HOMER2: variants seen among roughly 807,000 people sequenced by gnomAD.
The protein encoded by HOMER2 is homer scaffold protein 2, also known as homer protein homolog 2.
HOMER2 carries 27 observed loss-of-function variants against 47.0 expected under a neutral mutation model. The ratio of observed to expected loss-of-function variants is 0.57; its 90% CI spans 0.42 to 0.79. The LOEUF is 0.79. Ranked by LOEUF, HOMER2 falls within the 30% of genes least tolerant of loss-of-function variation. The pLI is 0.00. For missense variants in HOMER2, 443 were observed against 435.0 expected, an observed-to-expected ratio of 1.02 and a Z score of -0.16; for synonymous variants, 161 against 163.8, an observed-to-expected ratio of 0.98 and a Z score of 0.13.
chr15:82,894,444 T>G (rs974137991), intron 1 of HOMER2, among the ~76,000 whole-genome samples: 1 of 152,018 alleles, frequency 6.6e-6, no homozygotes, highest in African/African-American at 2.4e-5. Flanking sequence ...GTCCCATTGT[T>G]GCGGATCACG....
chr15:82,946,713 A>G (rs1166596834), intron 1 of HOMER2, among the ~76,000 whole-genome samples: 1 of 151,170 alleles, frequency 6.6e-6, no homozygotes, highest in East Asian at 1.9e-4. Flanking sequence ...ACAAAAACAA[A>G]GAAAGTCAAC....
intron 1 of HOMER2, among the ~76,000 whole-genome samples, chr15:82,934,163 G>A (rs2054085520): frequency 6.6e-6 from 1 of 152,098 alleles, no homozygotes; most frequent in African/African-American, 2.4e-5. Context: ...GAGGGGGAAG[G>A]GTATCCTGGT....
intron 3 of HOMER2, among the ~76,000 whole-genome samples, chr15:82,868,935 A>AT (rs1228848731): frequency 6.6e-6 from 1 of 152,138 alleles, no homozygotes; most frequent in Non-Finnish European, 1.5e-5. Context: ...AGACTGGTTA[A>AT]TGGGCTCACC....
chr15:82,898,682 G>A (rs544187257), intron 1 of HOMER2, among the ~76,000 whole-genome samples: 21 of 152,272 alleles, frequency 1.4e-4, no homozygotes, highest in South Asian at 2.1e-4. Flanking sequence ...AAAACCACTC[G>A]GCAAAGAGGC....
At chr15:82,857,651 G>T (rs866261792) in intron 5 of HOMER2, among the ~76,000 whole-genome samples, 1 of 151,846 alleles carries the variant, frequency 6.6e-6, no homozygotes, top group Non-Finnish European at 1.5e-5. Flanking sequence ...GGCTGGTCTC[G>T]AACTCCTGAC....
At chr15:82,847,898 C>T (rs1430236164), downstream of HOMER2, among the ~76,000 whole-genome samples, 1 of 152,144 alleles carries the variant, frequency 6.6e-6, no homozygotes, top group Non-Finnish European at 1.5e-5. Flanking sequence ...CAGGAGGGAG[C>T]TGCTACCAAC....
At chr15:82,983,959 C>CT (rs1336092709) in intron 1 of HOMER2, among the ~76,000 whole-genome samples, 2 of 151,984 alleles carry the variant, frequency 1.3e-5, no homozygotes, top group African/African-American at 4.8e-5. Flanking sequence ...GTACTATTTA[C>CT]TATTTAGCGC....
intron 1 of HOMER2, among the ~76,000 whole-genome samples, chr15:82,945,088 G>A (rs909958983): frequency 1.3e-5 from 2 of 152,082 alleles, no homozygotes; most frequent in Non-Finnish European, 2.9e-5. Context: ...CTAAGGAGCC[G>A]TGACTCACCC....
chr15:82,909,822 T>A (rs181764104), intron 1 of HOMER2, among the ~76,000 whole-genome samples: 183 of 152,190 alleles, frequency 1.2e-3, no homozygotes, highest in African/African-American at 4.2e-3. Flanking sequence ...TATCCTACAG[T>A]TACATATCAT....
chr15:82,981,671 A>T (rs958855831), intron 1 of HOMER2, among the ~76,000 whole-genome samples: 1 of 152,266 alleles, frequency 6.6e-6, no homozygotes, highest in African/African-American at 2.4e-5. Flanking sequence ...ATGCAATATT[A>T]TTCATTAAAA....
At chr15:82,965,181 G>A (rs1320110714) in intron 1 of HOMER2, among the ~76,000 whole-genome samples, 3 of 151,964 alleles carry the variant, frequency 2.0e-5, no homozygotes, top group East Asian at 1.9e-4. Context: ...CACTACACCC[G>A]CTAACTTTTG....
exon 2 of HOMER2, chr15:82,841,971 GGGGAAA>G (rs2051180397): frequency 6.6e-6 from 1 of 152,120 alleles, no homozygotes; most frequent in East Asian, 1.9e-4. Flanking sequence ...ACTTTTTCTG[GGGGAAA>G]GGGATTTTAA....
At chr15:82,921,902 G>C (rs1432775594) in intron 1 of HOMER2, among the ~76,000 whole-genome samples, 1 of 152,090 alleles carries the variant, frequency 6.6e-6, no homozygotes, top group Non-Finnish European at 1.5e-5. Context: ...TCATTTTGCT[G>C]TCCTGGGATT....
In HOMER2 at chr15:82,864,194, T is replaced by C; in HGVS notation, c.360A>G (p.Lys120=). ...AKIAKDKTQE[K]IETSSNHSQA... Reference sequence around the variant, plus strand: ...GGGAATGATTACTTGAGGTCTCGATTTTCTCCTGCGTCTTGTCTTTGGCTA... The same window carrying C: ...GGGAATGATTACTTGAGGTCTCGATCTTCTCCTGCGTCTTGTCTTTGGCTA... Residue 120 remains lysine, a synonymous_variant, in exon 4 of 9, where the codon AAA becomes AAG. Transcript: ENST00000450735. The C allele has an allele frequency of 6.2e-7, 1 of 1,611,162 alleles. No individual in the cohort carries two copies. The highest frequency in any genetic ancestry group is 8.5e-7 in the Non-Finnish European group (1 of 1,178,502).
chr15:82,912,169 C>T (rs760560181), intron 1 of HOMER2, among the ~76,000 whole-genome samples: 7 of 152,092 alleles, frequency 4.6e-5, no homozygotes, highest in South Asian at 2.1e-4. Context: ...CACAGAATTG[C>T]GTAACCATCA....
intron 1 of HOMER2, among the ~76,000 whole-genome samples, chr15:82,938,010 T>A (rs182974708): frequency 1.3e-5 from 2 of 152,302 alleles, no homozygotes; most frequent in Admixed American, 1.3e-4. Flanking sequence ...ACCAGCTTTA[T>A]CAACCCATTT....
intron 2 of HOMER2, among the ~76,000 whole-genome samples, chr15:82,875,676 C>T (rs1298921212): frequency 6.6e-6 from 1 of 152,184 alleles, no homozygotes; most frequent in Non-Finnish European, 1.5e-5. Flanking sequence ...GAAAGTCTCT[C>T]CTAAACAAAG....
At chr15:82,861,943 G>C (rs992880164) in intron 4 of HOMER2, among the ~76,000 whole-genome samples, 1 of 150,944 alleles carries the variant, frequency 6.6e-6, no homozygotes, top group African/African-American at 2.5e-5. Context: ...GGAGGCAGAG[G>C]TTGCAGTGAG....
chr15:82,868,541 A>ATATATATATATATATATATATATTTTTTT, intron 3 of HOMER2, among the ~76,000 whole-genome samples: 4 of 71,254 alleles, frequency 5.6e-5, no homozygotes, highest in African/African-American at 1.5e-4. Context: ...ATATATATAT[A>ATATATATATATATATATATATATTTTTTT]TTTTTTTTTT....
Sources: gnomAD v4.1 joint callset for allele counts (sites outside exome capture counted in the v4.1 genomes callset) on GRCh38, gnomAD v4.1.1 for gene constraint, MANE v1.5 for transcripts, NCBI Gene and HGNC (gene_info 2026-07-23, HGNC 2026-07-21) for gene names.